The following STAU2 variants were observed in gnomAD, a reference collection of about 807,000 sequenced individuals.
STAU2 encodes double-stranded RNA-binding protein Staufen homolog 2.
STAU2 carries 20 observed loss-of-function variants against 65.9 expected under a neutral mutation model. The ratio of observed to expected loss-of-function variants is 0.30; its 90% CI spans 0.21 to 0.44. STAU2 has a LOEUF of 0.44. Among genes scored for constraint, STAU2 ranks in the 20% least tolerant of loss-of-function variants. STAU2 has a pLI of 1.00. For missense variants in STAU2, 558 were observed against 683.9 expected (o/e 0.82, Z 2.05); for synonymous variants, 232 against 233.9 (o/e 0.99, Z 0.07).
intron 13 of STAU2, among the ~76,000 whole-genome samples, chr8:73,542,190 TTTAAGTA>T (rs1250750275): frequency 6.6e-6 from 1 of 152,150 alleles, no homozygotes; most frequent in Non-Finnish European, 1.5e-5. Flanking sequence ...ATCTTAATGC[TTTAAGTA>T]TTAAGAGGAG....
chr8:73,556,583 C>A (rs917709267), intron 12 of STAU2, among the ~76,000 whole-genome samples: 4 of 152,258 alleles, frequency 2.6e-5, no homozygotes, highest in South Asian at 2.1e-4. Context: ...TGTTGAAACC[C>A]CGTCTCTACT....
At chr8:73,669,455 C>T (rs1817497816) in intron 6 of STAU2, among the ~76,000 whole-genome samples, 1 of 152,108 alleles carries the variant, frequency 6.6e-6, no homozygotes. Context: ...AAAATGCCGA[C>T]ATTCTTAACA....
At chr8:73,645,488 T>C (rs767541478) in intron 6 of STAU2, among the ~76,000 whole-genome samples, 4 of 112,820 alleles carry the variant, frequency 3.5e-5, no homozygotes, top group African/African-American at 5.2e-5. Context: ...AAATCAGACT[T>C]AATGGTGAAA....
At chr8:73,465,445 G>C (rs1486169202) in intron 13 of STAU2, among the ~76,000 whole-genome samples, 1 of 152,120 alleles carries the variant, frequency 6.6e-6, no homozygotes, top group African/African-American at 2.4e-5. Context: ...TGTTAGTAGA[G>C]GTATTAGAAT....
At chr8:73,671,526 T>G (rs1391840391) in intron 6 of STAU2, among the ~76,000 whole-genome samples, 1 of 152,168 alleles carries the variant, frequency 6.6e-6, no homozygotes, top group Non-Finnish European at 1.5e-5. Context: ...TTAGTGCAAT[T>G]GGGCAATGCT....
Position 73,595,274 on chromosome 8 carries a change from A to C in STAU2, c.1053T>G (p.Ala351=), listed in dbSNP as rs766059244. The change falls in exon 11 of 15, where the codon GCT becomes GCG. Residue 351 remains alanine (A), a synonymous_variant. Coordinates refer to ENST00000524300, the MANE Select transcript of STAU2 (RefSeq NM_001164380.2). ...VMQVKVGNEV[A]TGTGPNKKIA... is the part of the protein sequence containing the mutation. ...TCTTTTTATTAGGTCCTGTTCCTGT[A>C]GCAACTTCATTGCCTACCTTCACCT... is the stretch of plus-strand genomic sequence containing the variant. The C allele has an allele frequency of 6.2e-7, 1 of 1,607,990 alleles. No homozygotes were observed. Among genetic ancestry groups the C allele is most frequent in the Non-Finnish European group, 8.5e-7 (1 of 1,177,912 alleles).
intron 3 of STAU2, among the ~76,000 whole-genome samples, chr8:73,713,684 C>T (rs998832962): frequency 2.6e-5 from 4 of 152,034 alleles, no homozygotes; most frequent in Non-Finnish European, 5.9e-5. Flanking sequence ...TGGCAGAATA[C>T]AGAACGCATG....
At chr8:73,731,327 C>G (rs1243922549) in intron 3 of STAU2, among the ~76,000 whole-genome samples, 1 of 152,164 alleles carries the variant, frequency 6.6e-6, no homozygotes, top group Non-Finnish European at 1.5e-5. Flanking sequence ...GTACTCTGCC[C>G]TGTAATTCTA....
intron 10 of STAU2, among the ~76,000 whole-genome samples, chr8:73,595,995 C>G (rs1219606784): frequency 6.6e-6 from 1 of 152,022 alleles, no homozygotes; most frequent in African/African-American, 2.4e-5. Context: ...ACCTGTAGTC[C>G]TAGCTACTCA....
intron 6 of STAU2, among the ~76,000 whole-genome samples, chr8:73,639,238 A>C (rs905410489): frequency 2.6e-5 from 4 of 152,082 alleles, no homozygotes; most frequent in Non-Finnish European, 5.9e-5. Flanking sequence ...AATTTTCTTT[A>C]ATAGTATATT....
chr8:73,711,131 CAAAAAAAAAAAAAAA>C (rs751087630), intron 3 of STAU2, among the ~76,000 whole-genome samples: 1 of 31,104 alleles, frequency 3.2e-5, no homozygotes. Flanking sequence ...AAGTGGCTTG[CAAAAAAAAAAAAAAA>C]AAAAAAAAAA....
At chr8:73,451,960 T>C (rs1445775594) in intron 13 of STAU2, among the ~76,000 whole-genome samples, 2 of 152,150 alleles carry the variant, frequency 1.3e-5, no homozygotes, top group Non-Finnish European at 2.9e-5. Context: ...TCCCAAGTAA[T>C]TTTGTTTTTG....
At chr8:73,666,094 C>T (rs983569122) in intron 6 of STAU2, among the ~76,000 whole-genome samples, 1 of 152,032 alleles carries the variant, frequency 6.6e-6, no homozygotes, top group Non-Finnish European at 1.5e-5. Context: ...GGATACAGAA[C>T]CCAGGGATAC....
In STAU2 at chr8:73,610,162, T is replaced by C. The variant is rs563385317; in HGVS notation, c.891+3582A>G. On this transcript the variant is annotated intron_variant, in intron 9 of 14. Coordinates refer to ENST00000524300, the MANE Select transcript of STAU2 (RefSeq NM_001164380.2). ...GTGCATGGTGGTGTTGTGCCTGTAGTCCCAACTACTTGGGAGGTGGGAGGA... is the reference window on the plus strand; with the variant it reads ...GTGCATGGTGGTGTTGTGCCTGTAGCCCCAACTACTTGGGAGGTGGGAGGA... 2.0e-5 allele frequency among the ~76,000 whole-genome samples: 3 copies of C among 151,622 alleles called. No individual in the cohort carries two copies. In the East Asian group the frequency reaches 5.8e-4, roughly 30 times the overall value.
chr8:73,490,253 G>A (rs1000180468), intron 13 of STAU2, among the ~76,000 whole-genome samples: 2 of 151,876 alleles, frequency 1.3e-5, no homozygotes, highest in African/African-American at 2.4e-5. Flanking sequence ...ACCTCACTGC[G>A]GTGCCATCAA....
intron 13 of STAU2, among the ~76,000 whole-genome samples, chr8:73,468,336 T>TA (rs1446503401): frequency 6.6e-6 from 1 of 152,128 alleles, no homozygotes; most frequent in African/African-American, 2.4e-5. Context: ...AATGATAGAC[T>TA]AAAACCATAA....
intron 13 of STAU2, among the ~76,000 whole-genome samples, chr8:73,463,649 A>C (rs1819494149): frequency 6.6e-6 from 1 of 152,242 alleles, no homozygotes; most frequent in African/African-American, 2.4e-5. Flanking sequence ...AAGCATGTTC[A>C]GAAAAAGAAA....
intron 6 of STAU2, among the ~76,000 whole-genome samples, chr8:73,629,290 T>A (rs1813916427): frequency 1.3e-5 from 2 of 152,216 alleles, no homozygotes; most frequent in Admixed American, 1.3e-4. Context: ...TGTTGCCCAA[T>A]ATTAAATCTT....
intron 4 of STAU2, among the ~76,000 whole-genome samples, chr8:73,702,890 T>C (rs1820214891): frequency 1.3e-5 from 2 of 152,122 alleles, no homozygotes; most frequent in South Asian, 4.1e-4. Context: ...GCTGACTATA[T>C]AACCTGTAGG....
Sources: allele counts gnomAD v4.1 joint callset (sites outside exome capture counted in the v4.1 genomes callset), GRCh38; gene constraint gnomAD v4.1.1; transcripts MANE v1.5; gene names NCBI Gene and HGNC (gene_info 2026-07-23, HGNC 2026-07-21).